Variants in FAM169A observed in about 807,000 individuals in gnomAD.
The protein encoded by FAM169A is family with sequence similarity 169 member A.
In FAM169A, 24 loss-of-function variants were observed where a neutral mutation model predicts 75.7. That is an observed-to-expected ratio of 0.32 (90% confidence interval 0.23 to 0.45). The LOEUF (loss-of-function observed/expected upper bound fraction) is 0.45. Among genes scored for constraint, FAM169A ranks in the 20% least tolerant of loss-of-function variants. FAM169A has a pLI of 1.00. For missense variants in FAM169A, 673 were observed against 784.0 expected (o/e 0.86, Z 1.69); for synonymous variants, 271 against 271.0 (o/e 1.00, Z 0.00).
intron 10 of FAM169A, among the ~76,000 whole-genome samples, chr5:74,796,854 GCTC>G (rs951118422): frequency 1.6e-4 from 25 of 151,988 alleles, no homozygotes; most frequent in African/African-American, 6.0e-4. Context: ...TATTAATAAT[GCTC>G]CTTTCATTCT....
In FAM169A at chr5:74,857,485, T is replaced by C. The variant is rs564612763; in HGVS notation, c.-4+8680A>G. Among the ~76,000 whole-genome samples, 599 of 144,108 alleles carry C rather than the reference T, an allele frequency of 4.2e-3. 2 individuals carry two copies. The highest frequency in any genetic ancestry group is 0.015 in the African/African-American group (575 of 38,792). The allele number at this position is 144,108 out of a possible 152,430, so 94.5% of individuals were successfully genotyped here. On this transcript the variant is annotated intron_variant, in intron 1 of 12. Transcript: ENST00000687041. ...ATGGCTTGAGTCCGGGAGGCAGAGG[T>C]TGCAGGGAGGTAGAGGCTGCAGTGA...
At chr5:74,783,613 TG>T (rs1745523806) in intron 11 of FAM169A, among the ~76,000 whole-genome samples, 5 of 152,318 alleles carry the variant, frequency 3.3e-5, no homozygotes, top group Admixed American at 3.3e-4. Flanking sequence ...ACCAGTCTTA[TG>T]GGAAGTTCAG....
intron 10 of FAM169A, 90 bp from the exon 11 acceptor site, chr5:74,796,276 A>T: frequency 1.7e-6 from 2 of 1,189,554 alleles, no homozygotes; most frequent in Non-Finnish European, 2.3e-6. Flanking sequence ...CATTTTAGAG[A>T]ATCAACTATG....
At chr5:74,793,730 A>G (rs1331233553) in intron 11 of FAM169A, among the ~76,000 whole-genome samples, 2 of 152,198 alleles carry the variant, frequency 1.3e-5, no homozygotes, top group Non-Finnish European at 2.9e-5. Context: ...TAGGCTGAGC[A>G]CAGTGGCTCA....
intron 11 of FAM169A, among the ~76,000 whole-genome samples, chr5:74,787,774 TCA>T (rs1343816584): frequency 1.3e-5 from 2 of 152,078 alleles, no homozygotes; most frequent in African/African-American, 2.4e-5. Context: ...GGCTAATTAA[TCA>T]CAGTGTTCCC....
chr5:74,859,210 T>C (rs1051652256), intron 1 of FAM169A, among the ~76,000 whole-genome samples: 2 of 149,052 alleles, frequency 1.3e-5, no homozygotes, highest in Non-Finnish European at 3.0e-5. Flanking sequence ...CAAGATTCCA[T>C]CTCAAAAAAA....
chr5:74,862,682 G>T (rs182392959), intron 1 of FAM169A, among the ~76,000 whole-genome samples: 2 of 152,260 alleles, frequency 1.3e-5, no homozygotes, highest in African/African-American at 2.4e-5. Context: ...ACCTTACAAG[G>T]ACTACTGGAA....
chr5:74,843,133 CA>C (rs1375603821), intron 1 of FAM169A, among the ~76,000 whole-genome samples: 2 of 151,972 alleles, frequency 1.3e-5, no homozygotes, highest in African/African-American at 4.8e-5. Context: ...TCATTTACAA[CA>C]GCAAAAATCA....
intron 5 of FAM169A, among the ~76,000 whole-genome samples, chr5:74,818,795 CTCTCTCTCTATATA>C (rs1202996603): frequency 1.4e-5 from 2 of 139,890 alleles, no homozygotes; most frequent in African/African-American, 5.7e-5. Flanking sequence ...CTCTCTCTCT[CTCTCTCTCTATATA>C]TATATATATA....
At chr5:74,785,342 C>G (rs571802327) in intron 11 of FAM169A, among the ~76,000 whole-genome samples, 1 of 152,272 alleles carries the variant, frequency 6.6e-6, no homozygotes, top group African/African-American at 2.4e-5. Flanking sequence ...GAAAACCCCA[C>G]AAATACGTAT....
chr5:74,782,735 A>G (rs553636851), intron 12 of FAM169A, among the ~76,000 whole-genome samples, 196 bp downstream of exon 12: 1 of 152,344 alleles, frequency 6.6e-6, no homozygotes, highest in East Asian at 1.9e-4. Flanking sequence ...ACCACATATC[A>G]GATATGAATA....
chr5:74,857,912 T>C (rs1444177155), intron 1 of FAM169A, among the ~76,000 whole-genome samples: 1 of 152,164 alleles, frequency 6.6e-6, no homozygotes, highest in Non-Finnish European at 1.5e-5. Context: ...TTTCCATCCA[T>C]AGATGCTACT....
At chr5:74,793,235 G>T (rs978101479) in intron 11 of FAM169A, among the ~76,000 whole-genome samples, 2 of 149,236 alleles carry the variant, frequency 1.3e-5, no homozygotes, top group Non-Finnish European at 3.0e-5. Flanking sequence ...TGAGGCAGGA[G>T]AATCACTTGA....
chr5:74,816,801 C>T (rs1273277798), intron 5 of FAM169A, among the ~76,000 whole-genome samples: 1 of 152,074 alleles, frequency 6.6e-6, no homozygotes, highest in Non-Finnish European at 1.5e-5. Flanking sequence ...TGTTTATATT[C>T]CTCAAAATTC....
rs1254280280 is a variant in FAM169A, at chr5:74,844,187, T to C, written c.-3-2508A>G. ...ATTTCCATGACAAGGCCGGGCACAG[T>C]GGCTCATGCCTGTAATCCCAGCACT... On this transcript the variant is annotated intron_variant, in intron 1 of 12. Coordinates refer to ENST00000687041, the MANE Select transcript of FAM169A (RefSeq NM_001376049.1). 5.3e-5 allele frequency among the ~76,000 whole-genome samples: 8 copies of C among 152,330 alleles called. No homozygotes were observed. In the East Asian group the frequency reaches 1.2e-3, roughly 22 times the overall value.
At chr5:74,799,991 T>C in intron 10 of FAM169A, 2 of 784,416 alleles carry the variant, frequency 2.5e-6, no homozygotes, top group Middle Eastern at 2.7e-4. Flanking sequence ...TCTCTATTTA[T>C]GAGGTGGATG....
chr5:74,797,416 A>T (rs1746335728), intron 10 of FAM169A, among the ~76,000 whole-genome samples: 1 of 152,102 alleles, frequency 6.6e-6, no homozygotes, highest in Non-Finnish European at 1.5e-5. Flanking sequence ...ACCTGAGGTG[A>T]TCCACCTGCC....
chr5:74,858,666 T>A (rs1749878068), intron 1 of FAM169A, among the ~76,000 whole-genome samples: 1 of 152,138 alleles, frequency 6.6e-6, no homozygotes, highest in South Asian at 2.1e-4. Context: ...AAATCATTTG[T>A]ACACCAAACC....
intron 7 of FAM169A, 125 bp from the exon 8 acceptor site, chr5:74,804,730 G>A: frequency 1.8e-6 from 1 of 545,064 alleles, no homozygotes; most frequent in South Asian, 2.9e-5. Context: ...AAATCTAGGT[G>A]TGAGATGTTC....
Sources: gnomAD v4.1 joint callset for allele counts (sites outside exome capture counted in the v4.1 genomes callset) on GRCh38, gnomAD v4.1.1 for gene constraint, MANE v1.5 for transcripts, NCBI Gene and HGNC (gene_info 2026-07-23, HGNC 2026-07-21) for gene names.